The following PHACTR2 variants were observed in gnomAD, a reference collection of about 807,000 sequenced individuals.
The protein encoded by PHACTR2 is chromosome 6 open reading frame 56.
In PHACTR2, 30 loss-of-function variants were observed where a neutral mutation model predicts 76.0. The observed-to-expected ratio is 0.39, with a 90% CI of 0.30 to 0.54. The LOEUF is 0.54. Ranked by LOEUF, PHACTR2 falls within the 20% of genes least tolerant of loss-of-function variation. The pLI is 0.61. For synonymous variants in PHACTR2, 292 were observed against 292.5 expected (o/e 1.00, Z 0.02); for missense variants, 696 against 781.1 (o/e 0.89, Z 1.30).
upstream of PHACTR2, among the ~76,000 whole-genome samples, chr6:143,675,983 A>C (rs1212210331): frequency 6.6e-6 from 1 of 152,190 alleles, no homozygotes; most frequent in Non-Finnish European, 1.5e-5. The surrounding 1 kb of genome is among the most constrained non-coding windows in gnomAD (Gnocchi z 4.9). Flanking sequence ...CATTAGTATA[A>C]CTTGTTAGCT....
intron 1 of PHACTR2, among the ~76,000 whole-genome samples, chr6:143,575,250 T>C (rs992290228): frequency 1.3e-5 from 2 of 152,274 alleles, no homozygotes; most frequent in Non-Finnish European, 2.9e-5. Context: ...CATAGTTCGA[T>C]GAGATAGCTT....
intron 11 of PHACTR2, among the ~76,000 whole-genome samples, chr6:143,790,225 G>A (rs536977097): frequency 2.0e-5 from 3 of 152,228 alleles, no homozygotes; most frequent in South Asian, 2.1e-4. Context: ...GCTTGGGTGC[G>A]TAAATTTGGA....
In PHACTR2 at chr6:143,776,489, C is replaced by T. The variant is rs978390703; in HGVS notation, c.1590-839C>T. Among the ~76,000 whole-genome samples the T allele has an allele frequency of 3.3e-5, 5 of 152,148 alleles. No individual in the cohort carries two copies. Among genetic ancestry groups the T allele is most frequent in the Non-Finnish European group, 5.9e-5 (4 of 68,032 alleles). On this transcript the variant is annotated intron_variant, in intron 8 of 12. Transcript: ENST00000440869. The surrounding 1 kb of genome is among the most constrained non-coding windows in gnomAD (Gnocchi z 5.3). ...ATTGCGTTCACGGCATAGCAACAACCGCATTTTAAATACTTAACTATTCAC... is the reference window on the plus strand; with the variant it reads ...ATTGCGTTCACGGCATAGCAACAACTGCATTTTAAATACTTAACTATTCAC...
chr6:143,817,114 C>T (rs1776313453), intron 12 of PHACTR2, among the ~76,000 whole-genome samples: 1 of 146,758 alleles, frequency 6.8e-6, no homozygotes, highest in African/African-American at 2.5e-5. Flanking sequence ...ATTGACTACT[C>T]CCTTTGTTAT....
chr6:143,545,049 T>C (rs1781212883), intron 1 of PHACTR2, among the ~76,000 whole-genome samples: 1 of 152,234 alleles, frequency 6.6e-6, no homozygotes, highest in East Asian at 1.9e-4. Flanking sequence ...GTTCAAGCGA[T>C]TCTCCCACCC....
intron 6 of PHACTR2, among the ~76,000 whole-genome samples, chr6:143,771,868 T>A (rs1463923609): frequency 6.6e-6 from 1 of 152,172 alleles, no homozygotes; most frequent in African/African-American, 2.4e-5. Context: ...GGTCAAGATG[T>A]AGTATGCTAA....
chr6:143,675,406 G>A (rs1262885478), upstream of PHACTR2, among the ~76,000 whole-genome samples: 1 of 152,160 alleles, frequency 6.6e-6, no homozygotes, highest in African/African-American at 2.4e-5. This position sits in a 1 kb window ranked among gnomAD's most constrained non-coding sequence, Gnocchi z 4.9. Context: ...AGGCTGGTGG[G>A]CCAAATTGTT....
Position 143,571,221 on chromosome 6 carries a change from TTAGTAACAATTATCATTGC to T in PHACTR2, c.217+34015_217+34033del, listed in dbSNP as rs918343088. On this transcript the variant is annotated intron_variant, in intron 1 of 11. Transcript: ENST00000367584. This position sits in a 1 kb window ranked among gnomAD's most constrained non-coding sequence, Gnocchi z 4.6. ...ATTATCCCACTAACAATTATCATTG[TTAGTAACAATTATCATTGC>T]GGTGTTTGTCAGATGGTGACTTTCT... 2.0e-5 allele frequency among the ~76,000 whole-genome samples: 3 copies of T among 152,218 alleles called. No individual in the cohort carries two copies. Among genetic ancestry groups the T allele is most frequent in the Admixed American group, 2.0e-4 (3 of 15,292 alleles).
intron 2 of PHACTR2, among the ~76,000 whole-genome samples, chr6:143,713,721 C>G (rs779860375): frequency 5.3e-5 from 8 of 152,164 alleles, no homozygotes; most frequent in Non-Finnish European, 8.8e-5. Flanking sequence ...TCCAGAGACA[C>G]CCTTACACCC....
Position 143,679,775 on chromosome 6 carries a change from C to G in PHACTR2, c.46+1566C>G, listed in dbSNP as rs984007543. Among the ~76,000 whole-genome samples the G allele has an allele frequency of 8.7e-5, 13 of 149,804 alleles. No individual in the cohort carries two copies. Among genetic ancestry groups the G allele is most frequent in the Non-Finnish European group, 1.8e-4 (12 of 67,092 alleles). ...CCTACGTCTTAGTACAGCAAAAAAA[C>G]CCGGATTGCTATAATTCCAAATAAA... On this transcript the variant is annotated intron_variant, in intron 1 of 12. Transcript: ENST00000440869. The surrounding 1 kb of genome is among the most constrained non-coding windows in gnomAD (Gnocchi z 4.6).
At chr6:143,668,310 A>G (rs1049653077) in intron 1 of PHACTR2, among the ~76,000 whole-genome samples, 6 of 152,142 alleles carry the variant, frequency 3.9e-5, no homozygotes, top group African/African-American at 1.4e-4. Context: ...ATCTATGTTC[A>G]TCAGGTCTAT....
chr6:143,677,223 TTA>T (rs140303375), upstream of PHACTR2, among the ~76,000 whole-genome samples: 7 of 151,644 alleles, frequency 4.6e-5, no homozygotes, highest in African/African-American at 1.5e-4. Context: ...TATACACACA[TTA>T]TATATATATA....
intron 1 of PHACTR2, among the ~76,000 whole-genome samples, chr6:143,693,131 C>T (rs1213239077): frequency 1.3e-5 from 2 of 152,184 alleles, no homozygotes; most frequent in African/African-American, 4.8e-5. Context: ...TTTAAAGGAC[C>T]TGTATTCAAA....
rs1161151871 is a variant in PHACTR2, at chr6:143,683,748, A to C, written c.46+5539A>C. Among the ~76,000 whole-genome samples, 1 of 152,216 alleles carries C rather than the reference A, an allele frequency of 6.6e-6. No individual in the cohort carries two copies. Among genetic ancestry groups the C allele is most frequent in the African/African-American group, 2.4e-5 (1 of 41,450 alleles). ...TGATGGAGTTTGTTTTCTTTATTCC[A>C]TAATATATACATGGTAGGAAGTCAA... is the stretch of plus-strand genomic sequence containing the variant. On this transcript the variant is annotated intron_variant, in intron 1 of 12. Transcript: ENST00000440869. The surrounding 1 kb of genome is among the most constrained non-coding windows in gnomAD (Gnocchi z 4.1).
chr6:143,716,383 TG>T (rs1778301458), intron 2 of PHACTR2, among the ~76,000 whole-genome samples: 1 of 152,104 alleles, frequency 6.6e-6, no homozygotes, highest in South Asian at 2.1e-4. Flanking sequence ...TGGTGTGCAG[TG>T]GTGCTATCAC....
intron 2 of PHACTR2, among the ~76,000 whole-genome samples, chr6:143,736,432 T>A (rs1426313251): frequency 2.0e-5 from 3 of 151,970 alleles, no homozygotes; most frequent in African/African-American, 7.3e-5. Context: ...AATAAGCATG[T>A]CAAATGAAAA....
rs1441919134 is a variant in PHACTR2, at chr6:143,547,275, G to A, written c.217+10068G>A. 6.6e-6 allele frequency among the ~76,000 whole-genome samples: 1 copy of A among 152,108 alleles called. No homozygotes were observed. Among genetic ancestry groups the A allele is most frequent in the Non-Finnish European group, 1.5e-5 (1 of 68,030 alleles). On this transcript the variant is annotated intron_variant, in intron 1 of 11. Coordinates refer to the PHACTR2 transcript ENST00000367584. This position sits in a 1 kb window ranked among gnomAD's most constrained non-coding sequence, Gnocchi z 4.2. ...CTTTCTAAAAATCATGTCTACATTT[G>A]AGTGACATAGATGTACTGTCACTGA...
chr6:143,551,071 C>T (rs865887468), intron 1 of PHACTR2, among the ~76,000 whole-genome samples: 37 of 151,746 alleles, frequency 2.4e-4, no homozygotes, highest in Middle Eastern at 3.4e-3. Context: ...AAAAAAACCC[C>T]AAAGACTAAC....
chr6:143,783,327 CT>C lies in PHACTR2; in HGVS notation c.1707+51del. On this transcript the variant is annotated intron_variant, in intron 10 of 12. Transcript: ENST00000440869. This position sits in a 1 kb window ranked among gnomAD's most constrained non-coding sequence, Gnocchi z 5.2. ...ATGAGCATATGTGTTTTGAGATATACTTTTAAAAAAAAATACTAATCCTCTC... is the reference window on the plus strand; with the variant it reads ...ATGAGCATATGTGTTTTGAGATATACTTTAAAAAAAAATACTAATCCTCTC... The C allele has an allele frequency of 9.3e-7, 1 of 1,079,100 alleles. No individual in the cohort carries two copies. The allele number at this position is 1,079,100 out of a possible 1,614,324, so 66.8% of individuals were successfully genotyped here.
Sources: allele counts gnomAD v4.1 joint callset (sites outside exome capture counted in the v4.1 genomes callset), GRCh38; gene constraint gnomAD v4.1.1; non-coding constraint Gnocchi (gnomAD v3.1); transcripts MANE v1.5; gene names NCBI Gene and HGNC (gene_info 2026-07-23, HGNC 2026-07-21).